CSMD1: variants seen among roughly 807,000 people sequenced by gnomAD.
The protein encoded by CSMD1 is CUB and sushi domain-containing protein 1.
Under a neutral mutation model 417.5 loss-of-function variants are expected in CSMD1, and 213 were observed. The observed-to-expected ratio is 0.51, with a 90% CI of 0.46 to 0.57. The LOEUF is 0.57. Among genes scored for constraint, CSMD1 ranks in the 20% least tolerant of loss-of-function variants. The probability of loss-of-function intolerance (pLI) is 0.00; values close to 1 mark genes in which losing one functional copy is unlikely to be tolerated. For synonymous variants in CSMD1, 2,862 were observed against 1,736.8 expected, an observed-to-expected ratio of 1.65 and a Z score of -16.11; for missense variants, 6,923 against 4,529.7, an observed-to-expected ratio of 1.53 and a Z score of -15.17.
intron 5 of CSMD1, among the ~76,000 whole-genome samples, chr8:3,938,048 G>C (rs1342338208): frequency 6.6e-6 from 1 of 152,050 alleles, no homozygotes; most frequent in Non-Finnish European, 1.5e-5. Context: ...TTTCCTAATT[G>C]ACTTCCAACA....
chr8:3,572,794 TAACTC>T (rs746872714), intron 10 of CSMD1, among the ~76,000 whole-genome samples: 147 of 152,310 alleles, frequency 9.7e-4, no homozygotes, highest in African/African-American at 2.4e-3. Context: ...TATTTACTCT[TAACTC>T]AAGTCAACAC....
intron 41 of CSMD1, among the ~76,000 whole-genome samples, chr8:3,121,654 C>T (rs1817212801): frequency 6.6e-6 from 1 of 152,106 alleles, no homozygotes. Context: ...ATGTAAAAGG[C>T]TGGGAGCAGT....
chr8:4,045,925 T>C (rs1798125200), intron 3 of CSMD1, among the ~76,000 whole-genome samples: 1 of 152,170 alleles, frequency 6.6e-6, no homozygotes, highest in African/African-American at 2.4e-5. Context: ...TTACATATTT[T>C]CTGGAAAAAT....
At chr8:3,290,176 A>G (rs1803444225) in intron 25 of CSMD1, among the ~76,000 whole-genome samples, 1 of 146,734 alleles carries the variant, frequency 6.8e-6, no homozygotes, top group Non-Finnish European at 1.5e-5. Context: ...GTTCTGTTCC[A>G]TTGGTCTCTA....
chr8:4,235,367 T>G (rs78891263), intron 3 of CSMD1, among the ~76,000 whole-genome samples: 5,698 of 152,000 alleles, frequency 0.037, 375 homozygotes, highest in African/African-American at 0.13. Flanking sequence ...TTTGTTTTTT[T>G]TTTGTTTGTT....
At chr8:4,050,700 C>G in intron 3 of CSMD1, among the ~76,000 whole-genome samples, 1 of 151,936 alleles carries the variant, frequency 6.6e-6, no homozygotes, top group East Asian at 1.9e-4. Flanking sequence ...CATCCAAGCC[C>G]CAACCTCAAA....
At chr8:4,015,661 T>TAAAAAAA (rs11371186) in intron 4 of CSMD1, among the ~76,000 whole-genome samples, 3 of 97,486 alleles carry the variant, frequency 3.1e-5, no homozygotes, top group Non-Finnish European at 5.8e-5. Flanking sequence ...GTTTGAATCT[T>TAAAAAAA]AAAAAAAAAA....
At position 3,307,805 on chromosome 8, in the gene CSMD1, C is replaced by T. The variant is rs1199436798; in HGVS notation, c.3840G>A (p.Gln1280=). 2 of 1,613,142 alleles carry T rather than the reference C, an allele frequency of 1.2e-6. No homozygotes were observed. Among genetic ancestry groups the T allele is most frequent in the East Asian group, 4.5e-5 (2 of 44,840 alleles). Residue 1280 remains glutamine, a synonymous_variant, in exon 25 of 70, where the codon CAG becomes CAA. Coordinates refer to ENST00000635120, the MANE Select transcript of CSMD1 (RefSeq NM_033225.6). ...LPSCIAECGG[Q]IHAATSGRIL... ...TTCGTCCTGATGTGGCTGCATGGAT[C>T]TGACCACCACATTCCGCTGTAGAAG... is the stretch of plus-strand genomic sequence containing the variant.
intron 2 of CSMD1, among the ~76,000 whole-genome samples, chr8:4,476,723 T>C (rs1450749841): frequency 6.6e-6 from 1 of 152,154 alleles, no homozygotes; most frequent in African/African-American, 2.4e-5. Flanking sequence ...ACTTTATGAA[T>C]AGCTTTCTTA....
chr8:2,949,401 A>AGAAAG lies in CSMD1; in HGVS notation c.10315-16_10315-15insCTTTC. On this transcript the variant is annotated splice_polypyrimidine_tract_variant and intron_variant, in intron 67 of 69. Transcript: ENST00000635120. ...CCAGATGACACCTGACACATAGGAA[A>AGAAAG]GAAAAGAAAAGAAATAAAAAGGTAT... 2.4e-6 allele frequency: 3 copies of AGAAAG among 1,269,668 alleles called. No homozygotes were observed. Among genetic ancestry groups the AGAAAG allele is most frequent in the Non-Finnish European group, 3.4e-6 (3 of 884,286 alleles). 78.7% of individuals were successfully genotyped at this position (1,269,668 alleles called of 1,614,324 possible).
chr8:3,316,651 C>A (rs548181228), intron 23 of CSMD1, among the ~76,000 whole-genome samples: 1 of 152,188 alleles, frequency 6.6e-6, no homozygotes, highest in African/African-American at 2.4e-5. Flanking sequence ...TTTACAGGAA[C>A]ATTTGTATAT....
chr8:3,688,730 T>G (rs927433093), intron 7 of CSMD1, among the ~76,000 whole-genome samples: 32 of 152,310 alleles, frequency 2.1e-4, no homozygotes, highest in African/African-American at 6.7e-4. Flanking sequence ...AAAAAATATT[T>G]ACTTTAAAAG....
intron 3 of CSMD1, among the ~76,000 whole-genome samples, chr8:4,391,534 A>G (rs1364273329): frequency 1.3e-5 from 2 of 152,202 alleles, no homozygotes; most frequent in South Asian, 2.1e-4. Context: ...CAACCACTGC[A>G]TCAACCAGCT....
At chr8:3,674,994 C>T (rs1199164989) in intron 7 of CSMD1, among the ~76,000 whole-genome samples, 1 of 152,138 alleles carries the variant, frequency 6.6e-6, no homozygotes, top group Non-Finnish European at 1.5e-5. Context: ...CATCAGTCTC[C>T]CTGGAAGGTT....
chr8:3,786,267 T>C (rs765179251), intron 5 of CSMD1, among the ~76,000 whole-genome samples: 26 of 152,162 alleles, frequency 1.7e-4, no homozygotes, highest in Admixed American at 2.0e-4. Context: ...CAAGAGTGGA[T>C]ACATGGGCAT....
intron 3 of CSMD1, among the ~76,000 whole-genome samples, chr8:4,038,440 T>C (rs1335447595): frequency 1.3e-5 from 2 of 152,172 alleles, no homozygotes; most frequent in African/African-American, 4.8e-5. Flanking sequence ...GACACAAATA[T>C]TACCAAAATA....
chr8:4,398,488 G>A (rs1174277069), intron 3 of CSMD1, among the ~76,000 whole-genome samples: 1 of 149,106 alleles, frequency 6.7e-6, no homozygotes, highest in East Asian at 2.0e-4. Flanking sequence ...CCTCTCCTGG[G>A]TTCACGCCAT....
intron 3 of CSMD1, among the ~76,000 whole-genome samples, chr8:4,330,229 C>CAGATCCACCCGTCAGATCCACCTGTG (rs1799792357): frequency 6.6e-6 from 1 of 152,098 alleles, no homozygotes; most frequent in Non-Finnish European, 1.5e-5. Context: ...ATCCACCTGT[C>CAGATCCACCCGTCAGATCCACCTGTG]AGATCCACCC....
chr8:4,618,399 G>T (rs968097333), intron 2 of CSMD1, among the ~76,000 whole-genome samples: 1 of 152,080 alleles, frequency 6.6e-6, no homozygotes, highest in Admixed American at 6.6e-5. Flanking sequence ...AAATATTTCT[G>T]AGATTTGAAC....
Sources: allele counts gnomAD v4.1 joint callset (sites outside exome capture counted in the v4.1 genomes callset), GRCh38; gene constraint gnomAD v4.1.1; transcripts MANE v1.5; gene names NCBI Gene and HGNC (gene_info 2026-07-23, HGNC 2026-07-21).